Variants in CLVS1 observed in about 807,000 individuals in gnomAD.
The protein encoded by CLVS1 is clavesin-1.
A neutral mutation model predicts 33.1 loss-of-function variants in CLVS1; 10 were observed. The ratio of observed to expected loss-of-function variants is 0.30; its 90% CI spans 0.19 to 0.51. The LOEUF (loss-of-function observed/expected upper bound fraction) is 0.51. Among genes scored for constraint, CLVS1 ranks in the 20% least tolerant of loss-of-function variants. The pLI, the probability that CLVS1 is intolerant of heterozygous loss-of-function variation, is 0.97. For synonymous variants in CLVS1, 163 were observed against 166.1 expected (o/e 0.98, Z 0.14); for missense variants, 343 against 433.4 (o/e 0.79, Z 1.85).
chr8:61,081,985 T>A (rs554645505), intron 1 of CLVS1, among the ~76,000 whole-genome samples: 1 of 152,248 alleles, frequency 6.6e-6, no homozygotes, highest in African/African-American at 2.4e-5. Context: ...AGAACCAGAC[T>A]TATATATGGC....
intron 2 of CLVS1, among the ~76,000 whole-genome samples, chr8:61,333,687 G>C (rs1339817711): frequency 2.0e-5 from 3 of 152,012 alleles, no homozygotes; most frequent in African/African-American, 7.2e-5. Context: ...CAAGGATTAG[G>C]CAAAAAGGGT....
chr8:61,046,849 G>A, the CLVS1 span, among the ~76,000 whole-genome samples: 1 of 152,006 alleles, frequency 6.6e-6, no homozygotes, highest in Admixed American at 6.5e-5. Flanking sequence ...TGTATCCTGA[G>A]ACTTTGCTGA....
At chr8:61,247,338 G>A (rs1424242409) in intron 2 of CLVS1, among the ~76,000 whole-genome samples, 1 of 152,100 alleles carries the variant, frequency 6.6e-6, no homozygotes, top group African/African-American at 2.4e-5. Context: ...GTGTCAAATG[G>A]TAGTTCTGCT....
At chr8:61,467,798 A>G (rs1586016482) in intron 5 of CLVS1, among the ~76,000 whole-genome samples, 1 of 152,284 alleles carries the variant, frequency 6.6e-6, no homozygotes, top group East Asian at 1.9e-4. Flanking sequence ...CTCCACAAAA[A>G]GTTTATATAG....
At chr8:61,473,392 G>A (rs919717891) in intron 5 of CLVS1, among the ~76,000 whole-genome samples, 3 of 150,618 alleles carry the variant, frequency 2.0e-5, no homozygotes, top group Non-Finnish European at 3.0e-5. Flanking sequence ...AGCAGAAAGC[G>A]AGGGGGAAAA....
Position 61,273,748 on chromosome 8 carries a change from G to T in CLVS1, c.-151-25929G>T, listed in dbSNP as rs184677174. On this transcript the variant is annotated intron_variant, in intron 2 of 2. Coordinates refer to the CLVS1 transcript ENST00000522621. ...CGCAGTATTCGGGTGGGAGTGACCC[G>T]ATTTTCCAGGTGCTGCCCATCACCC... Among the ~76,000 whole-genome samples, 5 of 152,332 alleles carry T rather than the reference G, an allele frequency of 3.3e-5. No homozygotes were observed. In the East Asian group the frequency reaches 9.7e-4, roughly 29 times the overall value.
intron 2 of CLVS1, among the ~76,000 whole-genome samples, chr8:61,214,554 C>T (rs1460627439): frequency 1.3e-5 from 2 of 152,138 alleles, no homozygotes; most frequent in East Asian, 3.8e-4. Context: ...AGAAGGCAGC[C>T]ATCTAAAGGC....
chr8:61,232,619 G>T (rs1697331636), intron 2 of CLVS1, among the ~76,000 whole-genome samples: 1 of 152,168 alleles, frequency 6.6e-6, no homozygotes, highest in Admixed American at 6.5e-5. Flanking sequence ...GAAAGAGGTT[G>T]CCATAAAATG....
At chr8:61,414,464 T>C (rs922107034) in intron 3 of CLVS1, among the ~76,000 whole-genome samples, 2 of 152,116 alleles carry the variant, frequency 1.3e-5, no homozygotes, top group Non-Finnish European at 2.9e-5. Context: ...GCTGAGATTT[T>C]TTAATGGCAC....
the CLVS1 span, among the ~76,000 whole-genome samples, chr8:61,039,733 T>C: frequency 6.6e-6 from 1 of 152,000 alleles, no homozygotes; most frequent in East Asian, 1.9e-4. Flanking sequence ...GGAGACAGGG[T>C]CCCCCTATGT....
chr8:61,106,208 T>C (rs1356821116), intron 1 of CLVS1, among the ~76,000 whole-genome samples: 1 of 152,156 alleles, frequency 6.6e-6, no homozygotes, highest in Non-Finnish European at 1.5e-5. Context: ...TTTTAAAGCA[T>C]GAAGCCAGTG....
chr8:61,475,953 C>T (rs1229524022), intron 5 of CLVS1, among the ~76,000 whole-genome samples: 1 of 152,034 alleles, frequency 6.6e-6, no homozygotes. Context: ...GTCTTTAATC[C>T]ATCTTGAATT....
upstream of CLVS1, among the ~76,000 whole-genome samples, chr8:61,055,931 G>A (rs182399778): frequency 5.3e-5 from 8 of 152,356 alleles, no homozygotes; most frequent in East Asian, 1.9e-4. Flanking sequence ...GCTCCACCAC[G>A]CTTAACATGT....
At chr8:60,997,623 C>T in the CLVS1 span, among the ~76,000 whole-genome samples, 3 of 152,240 alleles carry the variant, frequency 2.0e-5, no homozygotes, top group African/African-American at 4.8e-5. Flanking sequence ...TCTCCTATGT[C>T]GCTATCAGGA....
At chr8:61,244,045 C>T (rs757039870) in intron 2 of CLVS1, among the ~76,000 whole-genome samples, 25 of 152,122 alleles carry the variant, frequency 1.6e-4, no homozygotes, top group Admixed American at 9.2e-4. Context: ...ATTCATAGAA[C>T]GCACAGAGTG....
chr8:61,388,002 T>C (rs1288797195), intron 3 of CLVS1, among the ~76,000 whole-genome samples: 1 of 152,142 alleles, frequency 6.6e-6, no homozygotes, highest in East Asian at 1.9e-4. Flanking sequence ...AGGAGGGGGA[T>C]TGCTGGATTT....
intron 1 of CLVS1, among the ~76,000 whole-genome samples, chr8:61,071,776 C>T (rs1044319032): frequency 6.6e-6 from 1 of 152,168 alleles, no homozygotes; most frequent in Non-Finnish European, 1.5e-5. Context: ...GGTAATAAGA[C>T]ATTTTCCTTT....
At chr8:61,094,140 A>T (rs927393004) in intron 1 of CLVS1, among the ~76,000 whole-genome samples, 4 of 152,168 alleles carry the variant, frequency 2.6e-5, no homozygotes, top group African/African-American at 9.7e-5. Flanking sequence ...TTTTGAAGTC[A>T]GACCTGTGAA....
At chr8:61,182,044 G>A (rs975596256) in intron 2 of CLVS1, among the ~76,000 whole-genome samples, 1 of 152,072 alleles carries the variant, frequency 6.6e-6, no homozygotes, top group African/African-American at 2.4e-5. Flanking sequence ...CAAGCAATGG[G>A]GAAAGGATTC....
Sources: gnomAD v4.1 joint callset for allele counts (sites outside exome capture counted in the v4.1 genomes callset) on GRCh38, gnomAD v4.1.1 for gene constraint, MANE v1.5 for transcripts, NCBI Gene and HGNC (gene_info 2026-07-23, HGNC 2026-07-21) for gene names.